The following MECOM variants were observed in gnomAD, a reference collection of about 807,000 sequenced individuals.
MECOM encodes histone-lysine N-methyltransferase MECOM.
Under a neutral mutation model 116.3 loss-of-function variants are expected in MECOM, and 13 were observed. That is an observed-to-expected ratio of 0.11 (90% CI 0.07 to 0.18). The LOEUF (loss-of-function observed/expected upper bound fraction) is 0.18. Ranked by LOEUF, MECOM falls within the 10% of genes least tolerant of loss-of-function variation. MECOM has a pLI of 1.00. For synonymous variants in MECOM, 528 were observed against 535.2 expected (o/e 0.99, Z 0.19); for missense variants, 1,299 against 1,509.0 (o/e 0.86, Z 2.31).
intron 9 of MECOM, among the ~76,000 whole-genome samples, chr3:169,108,498 A>G (rs974623351): frequency 6.6e-6 from 1 of 152,198 alleles, no homozygotes; most frequent in African/African-American, 2.4e-5. Context: ...GGAAAACTAA[A>G]AAGATCTAGC....
intron 2 of MECOM, among the ~76,000 whole-genome samples, chr3:169,291,209 A>G (rs568648496): frequency 1.9e-4 from 29 of 152,284 alleles, no homozygotes; most frequent in African/African-American, 6.7e-4. Context: ...AAAATAGTCA[A>G]TAAATCACCC....
chr3:169,569,098 T>A (rs190634009), intron 1 of MECOM, among the ~76,000 whole-genome samples: 1 of 151,322 alleles, frequency 6.6e-6, no homozygotes, highest in Non-Finnish European at 1.5e-5. Context: ...AGGAGACCCA[T>A]CTCATGTTCA....
At chr3:169,431,657 T>A (rs1741655912) in intron 1 of MECOM, among the ~76,000 whole-genome samples, 1 of 152,206 alleles carries the variant, frequency 6.6e-6, no homozygotes, top group African/African-American at 2.4e-5. Flanking sequence ...TTTTCCATGG[T>A]AAATACAATT....
chr3:169,547,687 GTAATTAATT>G (rs1336431401), intron 1 of MECOM, among the ~76,000 whole-genome samples: 1 of 152,148 alleles, frequency 6.6e-6, no homozygotes, highest in Non-Finnish European at 1.5e-5. Context: ...CTTTGCCAAT[GTAATTAATT>G]TAAGGATCTC....
At chr3:169,518,473 T>C (rs542346926) in intron 1 of MECOM, among the ~76,000 whole-genome samples, 46 of 152,246 alleles carry the variant, frequency 3.0e-4, no homozygotes, top group African/African-American at 1.0e-3. Context: ...CTGGACTCAT[T>C]GTTGAGTCTG....
chr3:169,659,475 C>CTTTTTTTTTTTTTTTT (rs1775985692), intron 1 of MECOM, among the ~76,000 whole-genome samples: 1 of 13,746 alleles, frequency 7.3e-5, no homozygotes, highest in African/African-American at 2.8e-4. Context: ...TTTTTTTTTG[C>CTTTTTTTTTTTTTTTT]AAAACACATC....
chr3:169,129,777 G>A (rs73167947), intron 4 of MECOM, among the ~76,000 whole-genome samples: 13,837 of 152,138 alleles, frequency 0.091, 771 homozygotes, highest in South Asian at 0.2. Context: ...TGGGTTGAAT[G>A]CTGACCTCAC....
chr3:169,437,509 G>A (rs550354890), intron 1 of MECOM, among the ~76,000 whole-genome samples: 9 of 152,216 alleles, frequency 5.9e-5, no homozygotes, highest in Non-Finnish European at 1.3e-4. Flanking sequence ...ATTCACAAAA[G>A]CACCTTCTTT....
chr3:169,627,378 A>G (rs1771514004), intron 1 of MECOM, among the ~76,000 whole-genome samples: 1 of 152,240 alleles, frequency 6.6e-6, no homozygotes, highest in African/African-American at 2.4e-5. Flanking sequence ...CATACCTGAA[A>G]CTGATATGGA....
chr3:169,115,253 C>T, intron 8 of MECOM, 130 bp downstream of exon 8: 1 of 988,940 alleles, frequency 1.0e-6, no homozygotes, highest in African/African-American at 1.6e-5. Flanking sequence ...AATGAGTTCA[C>T]TAGATCAAAC....
intron 1 of MECOM, among the ~76,000 whole-genome samples, chr3:169,406,863 A>G (rs1196704148): frequency 3.4e-5 from 5 of 148,010 alleles, no homozygotes; most frequent in African/African-American, 5.0e-5. Flanking sequence ...TTTTTTTTTA[A>G]TGGAGTCTCA....
At chr3:169,572,902 A>G (rs1764083889) in intron 1 of MECOM, among the ~76,000 whole-genome samples, 1 of 152,066 alleles carries the variant, frequency 6.6e-6, no homozygotes, top group African/African-American at 2.4e-5. Flanking sequence ...GGGTGCAGCA[A>G]ACCACCATGG....
chr3:169,151,784 A>G (rs1741208953), intron 2 of MECOM, among the ~76,000 whole-genome samples: 1 of 152,218 alleles, frequency 6.6e-6, no homozygotes, highest in Non-Finnish European at 1.5e-5. Flanking sequence ...CAAAGATAAG[A>G]AATAATGTAA....
chr3:169,482,339 T>TC (rs1553866275), intron 1 of MECOM, among the ~76,000 whole-genome samples: 7 of 144,892 alleles, frequency 4.8e-5, no homozygotes, highest in African/African-American at 1.8e-4. Context: ...TTTTTTTTTT[T>TC]TTTTTTTTTT....
intron 1 of MECOM, among the ~76,000 whole-genome samples, chr3:169,573,250 T>C (rs1462096155): frequency 2.0e-5 from 3 of 152,238 alleles, no homozygotes; most frequent in Non-Finnish European, 4.4e-5. Context: ...GAATGAAACT[T>C]CCATGCCTTG....
intron 1 of MECOM, among the ~76,000 whole-genome samples, chr3:169,578,258 CAGTT>C (rs1226788887): frequency 6.6e-6 from 1 of 152,120 alleles, no homozygotes; most frequent in East Asian, 1.9e-4. Context: ...CCTTTAAGCT[CAGTT>C]ACTCAGTGGG....
chr3:169,219,169 C>T (rs777450396), intron 2 of MECOM, among the ~76,000 whole-genome samples: 2 of 152,156 alleles, frequency 1.3e-5, no homozygotes, highest in Non-Finnish European at 2.9e-5. Flanking sequence ...CTTTTTATAG[C>T]TCTGGCTCAA....
intron 2 of MECOM, among the ~76,000 whole-genome samples, chr3:169,281,729 C>T (rs1412700455): frequency 6.6e-6 from 1 of 152,070 alleles, no homozygotes; most frequent in Non-Finnish European, 1.5e-5. Flanking sequence ...AGAATATCAC[C>T]TGAGCCCAGG....
intron 2 of MECOM, among the ~76,000 whole-genome samples, chr3:169,273,497 A>C (rs1368566929): frequency 6.6e-6 from 1 of 152,126 alleles, no homozygotes; most frequent in Non-Finnish European, 1.5e-5. Context: ...CCCCATCAAC[A>C]CTAAAACTAG....
Sources: allele counts gnomAD v4.1 joint callset (sites outside exome capture counted in the v4.1 genomes callset), GRCh38; gene constraint gnomAD v4.1.1; transcripts MANE v1.5; gene names NCBI Gene and HGNC (gene_info 2026-07-23, HGNC 2026-07-21).